Variants in SNTG2 observed in about 807,000 individuals in gnomAD.
SNTG2 encodes gamma-2-syntrophin.
A neutral mutation model predicts 70.9 loss-of-function variants in SNTG2; 74 were observed. That is an observed-to-expected ratio of 1.04 (90% confidence interval 0.86 to 1.27). The LOEUF (loss-of-function observed/expected upper bound fraction) is 1.27. Ranked by LOEUF, SNTG2 falls within the 50% of genes most tolerant of loss-of-function variation. SNTG2 has a pLI of 0.00. For missense variants in SNTG2, 717 were observed against 690.7 expected (o/e 1.04, Z -0.43); for synonymous variants, 278 against 273.8 (o/e 1.02, Z -0.15).
At chr2:1,100,877 A>G (rs1193552733) in intron 4 of SNTG2, among the ~76,000 whole-genome samples, 1 of 152,108 alleles carries the variant, frequency 6.6e-6, no homozygotes, top group Admixed American at 6.5e-5. Context: ...AGGAAAATCC[A>G]TTTTACCTGT....
At chr2:1,265,184 C>A (rs897214722) in intron 13 of SNTG2, among the ~76,000 whole-genome samples, 3 of 152,188 alleles carry the variant, frequency 2.0e-5, no homozygotes, top group African/African-American at 7.2e-5. Context: ...ACCATAAGGT[C>A]AATGATGAAC....
At chr2:1,155,487 T>TA (rs112245820) in intron 6 of SNTG2, among the ~76,000 whole-genome samples, 118,503 of 151,940 alleles carry the variant, frequency 0.78, 47,091 homozygotes, top group Non-Finnish European at 0.86. Context: ...ACCAGAGAAA[T>TA]ACTACAGCCA....
intron 1 of SNTG2, among the ~76,000 whole-genome samples, chr2:968,030 T>TAA (rs11433187): frequency 0.081 from 11,781 of 145,444 alleles, 665 homozygotes; most frequent in South Asian, 0.21. Flanking sequence ...GTCTCAAAAT[T>TAA]AAAAAAAAAA....
chr2:980,468 A>G (rs1661059539), intron 1 of SNTG2, among the ~76,000 whole-genome samples: 1 of 152,218 alleles, frequency 6.6e-6, no homozygotes, highest in Non-Finnish European at 1.5e-5. Context: ...AATACAGAAA[A>G]CAATACATTT....
At chr2:1,007,540 T>G (rs1407131705) in intron 1 of SNTG2, among the ~76,000 whole-genome samples, 3 of 152,160 alleles carry the variant, frequency 2.0e-5, no homozygotes, top group African/African-American at 7.2e-5. Context: ...TGTCTTTAAA[T>G]CACCCACCAC....
chr2:1,265,215 C>T (rs973772990), intron 13 of SNTG2, among the ~76,000 whole-genome samples: 4 of 152,190 alleles, frequency 2.6e-5, no homozygotes, highest in Non-Finnish European at 4.4e-5. Flanking sequence ...TGGTTTGTGA[C>T]GTGTAACCCT....
At chr2:1,323,878 C>G (rs1283443734) in intron 16 of SNTG2, among the ~76,000 whole-genome samples, 2 of 151,186 alleles carry the variant, frequency 1.3e-5, no homozygotes, top group African/African-American at 4.9e-5. Flanking sequence ...CTCCCGCCAC[C>G]CAGTAATGTG....
intron 16 of SNTG2, among the ~76,000 whole-genome samples, chr2:1,361,440 T>C (rs1353898431): frequency 6.6e-6 from 1 of 152,206 alleles, no homozygotes; most frequent in Middle Eastern, 3.2e-3. Context: ...GGCTGAGAAG[T>C]TCCACAATAG....
At chr2:1,066,929 C>G (rs1175654115) in intron 1 of SNTG2, among the ~76,000 whole-genome samples, 1 of 152,142 alleles carries the variant, frequency 6.6e-6, no homozygotes, top group Non-Finnish European at 1.5e-5. Flanking sequence ...CTTCAAAGCT[C>G]TCATCTCCTC....
intron 8 of SNTG2, 124 bp from the exon 9 acceptor site, chr2:1,208,979 T>C: frequency 8.7e-7 from 1 of 1,153,016 alleles, no homozygotes; most frequent in Non-Finnish European, 1.2e-6. Flanking sequence ...ACAACCTCAC[T>C]TGCTTTTTTA....
intron 1 of SNTG2, among the ~76,000 whole-genome samples, chr2:996,673 G>GTGCTTTTTTTTTTTTTTTTT (rs1661690580): frequency 2.8e-5 from 1 of 35,114 alleles, no homozygotes; most frequent in Non-Finnish European, 4.9e-5. Context: ...GAGTTACCCA[G>GTGCTTTTTTTTTTTTTTTTT]TTTTTTTTTT....
At chr2:1,083,176 C>G (rs1175034045) in intron 1 of SNTG2, among the ~76,000 whole-genome samples, 2 of 56,030 alleles carry the variant, frequency 3.6e-5, no homozygotes, top group South Asian at 1.2e-3. Context: ...TTTAGTTAAA[C>G]TAAAAAAATA....
At chr2:1,134,279 G>A (rs4971471) in intron 4 of SNTG2, among the ~76,000 whole-genome samples, 18,114 of 152,036 alleles carry the variant, frequency 0.12, 1,129 homozygotes, top group Admixed American at 0.15. Flanking sequence ...TGGTGGCGCC[G>A]GGATCCTGCT....
chr2:994,262 C>T (rs544556487), intron 1 of SNTG2, among the ~76,000 whole-genome samples: 1 of 152,136 alleles, frequency 6.6e-6, no homozygotes, highest in African/African-American at 2.4e-5. Flanking sequence ...AAAGTCTTTT[C>T]TTCTCTCCTT....
rs143731101 is a variant in SNTG2 at position 1,055,421 on chromosome 2, C to T, written c.73-28097C>T. On this transcript the variant is annotated intron_variant, in intron 1 of 16. Transcript: ENST00000308624. The stretch of plus-strand genomic sequence containing the variant: ...TGCATTTCCTCTCACTGGAGGCTCA[C>T]GACCTGCCTTGTGTCTGATGACCCA... Among the ~76,000 whole-genome samples the T allele has an allele frequency of 5.8e-3, 887 of 152,260 alleles. 10 individuals carry two copies. Among genetic ancestry groups the T allele is most frequent in the African/African-American group, 0.02 (838 of 41,536 alleles).
intron 6 of SNTG2, among the ~76,000 whole-genome samples, chr2:1,163,913 T>G (rs1393817353): frequency 1.3e-5 from 2 of 152,164 alleles, no homozygotes; most frequent in African/African-American, 2.4e-5. Context: ...TTATGTTGGA[T>G]CTCAGGCCAT....
At chr2:1,002,630 TCTA>T (rs1659432074) in intron 1 of SNTG2, among the ~76,000 whole-genome samples, 7 of 150,940 alleles carry the variant, frequency 4.6e-5, no homozygotes, top group Non-Finnish European at 1.0e-4. Context: ...AAAATACTTA[TCTA>T]TGGTTGGTTG....
intron 13 of SNTG2, among the ~76,000 whole-genome samples, chr2:1,264,114 T>A (rs915946702): frequency 1.1e-4 from 16 of 152,240 alleles, no homozygotes; most frequent in African/African-American, 3.9e-4. Context: ...CTTAAAAATA[T>A]CAAAACATTA....
chr2:977,473 G>A (rs10206413), intron 1 of SNTG2, among the ~76,000 whole-genome samples: 58,029 of 151,858 alleles, frequency 0.38, 11,398 homozygotes, highest in Admixed American at 0.46. Context: ...TCACCACCCA[G>A]TCCTCTGCCT....
Sources: allele counts gnomAD v4.1 joint callset (sites outside exome capture counted in the v4.1 genomes callset), GRCh38; gene constraint gnomAD v4.1.1; transcripts MANE v1.5; gene names NCBI Gene and HGNC (gene_info 2026-07-23, HGNC 2026-07-21).